PKIG: variants seen among roughly 807,000 people sequenced by gnomAD.
PKIG encodes protein kinase (cAMP-dependent, catalytic) inhibitor gamma.
Under a neutral mutation model 6.8 loss-of-function variants are expected in PKIG, and 1 was observed. The observed-to-expected ratio is 0.15, with a 90% CI of 0.05 to 0.69. The LOEUF (loss-of-function observed/expected upper bound fraction) is 0.69. Ranked by LOEUF, PKIG falls within the 30% of genes least tolerant of loss-of-function variation. PKIG has a pLI of 0.82. For missense variants in PKIG, 77 were observed against 104.0 expected, an observed-to-expected ratio of 0.74 and a Z score of 1.13; for synonymous variants, 39 against 43.0, an observed-to-expected ratio of 0.91 and a Z score of 0.36.
intron 2 of PKIG, among the ~76,000 whole-genome samples, chr20:44,612,237 C>G (rs1211062024): frequency 1.3e-5 from 2 of 152,122 alleles, no homozygotes; most frequent in Non-Finnish European, 2.9e-5. Context: ...TTTATGACTA[C>G]TTCATAATTC....
intron 1 of PKIG, among the ~76,000 whole-genome samples, chr20:44,545,293 TAAGAATC>T (rs1442405257): frequency 6.6e-6 from 1 of 152,124 alleles, no homozygotes; most frequent in East Asian, 1.9e-4. Flanking sequence ...TGACAATCAA[TAAGAATC>T]AACTGGGTTT....
chr20:44,537,102 G>A (rs1192123831), intron 1 of PKIG, among the ~76,000 whole-genome samples: 1 of 150,964 alleles, frequency 6.6e-6, no homozygotes, highest in Non-Finnish European at 1.5e-5. Flanking sequence ...GCTAATTTTT[G>A]TATTATTATT....
At chr20:44,616,792 C>G (rs1401033722) in intron 3 of PKIG, among the ~76,000 whole-genome samples, 2 of 152,192 alleles carry the variant, frequency 1.3e-5, no homozygotes, top group African/African-American at 4.8e-5. Context: ...ACGCCCACTC[C>G]AGCGACTCCC....
At chr20:44,550,443 A>G (rs1395265211) in intron 1 of PKIG, among the ~76,000 whole-genome samples, 4 of 152,018 alleles carry the variant, frequency 2.6e-5, no homozygotes, top group Non-Finnish European at 5.9e-5. Context: ...ATTTCTTAAG[A>G]TTAGGAAACA....
At chr20:44,577,606 C>T (rs1407561793), upstream of PKIG, among the ~76,000 whole-genome samples, 2 of 152,168 alleles carry the variant, frequency 1.3e-5, no homozygotes, top group South Asian at 2.1e-4. Context: ...TACTTTTATT[C>T]GTAAATCTCA....
intron 1 of PKIG, among the ~76,000 whole-genome samples, chr20:44,575,235 T>A (rs1262862186): frequency 2.0e-5 from 3 of 152,146 alleles, no homozygotes; most frequent in Non-Finnish European, 4.4e-5. Flanking sequence ...GTATTTTTAT[T>A]TTTGAGACGG....
chr20:44,610,462 T>TTCTC (rs146920514), intron 2 of PKIG, among the ~76,000 whole-genome samples: 29 of 123,338 alleles, frequency 2.4e-4, no homozygotes, highest in South Asian at 1.6e-3. Flanking sequence ...GTCTCTCTCT[T>TTCTC]TCTCTCTCTC....
intron 2 of PKIG, among the ~76,000 whole-genome samples, chr20:44,591,560 C>T (rs1286407639): frequency 2.5e-5 from 3 of 119,082 alleles, no homozygotes; most frequent in African/African-American, 6.5e-5. Context: ...GGACAGAGCC[C>T]GAAGTCTGAG....
chr20:44,540,047 A>T (rs2064547069), intron 1 of PKIG, among the ~76,000 whole-genome samples: 1 of 151,538 alleles, frequency 6.6e-6, no homozygotes, highest in Non-Finnish European at 1.5e-5. Flanking sequence ...TGCAACGTCC[A>T]CCTCCAGGGT....
chr20:44,615,350 A>G (rs1188449473), intron 3 of PKIG, among the ~76,000 whole-genome samples: 3 of 152,068 alleles, frequency 2.0e-5, no homozygotes, highest in African/African-American at 7.2e-5. Flanking sequence ...CCCCAATCAC[A>G]TGACCCTCAT....
chr20:44,535,721 A>G (rs139381929), intron 1 of PKIG, among the ~76,000 whole-genome samples: 3 of 152,360 alleles, frequency 2.0e-5, no homozygotes, highest in African/African-American at 7.2e-5. Context: ...AAAGCAGATT[A>G]CGGTACAGTA....
upstream of PKIG, among the ~76,000 whole-genome samples, chr20:44,580,884 A>G (rs540545724): frequency 1.4e-4 from 21 of 152,214 alleles, no homozygotes; most frequent in East Asian, 4.0e-3. Context: ...CCTTCCCATC[A>G]CCATCAAAGT....
At chr20:44,605,287 G>A (rs533474876) in intron 2 of PKIG, among the ~76,000 whole-genome samples, 1 of 151,846 alleles carries the variant, frequency 6.6e-6, no homozygotes, top group South Asian at 2.1e-4. Context: ...AGGCGCCTGA[G>A]TCCCAGCTAC....
chr20:44,587,492 C>G (rs1251871696), intron 1 of PKIG, among the ~76,000 whole-genome samples: 1 of 152,174 alleles, frequency 6.6e-6, no homozygotes, highest in East Asian at 1.9e-4. Context: ...TGAGAGGGCC[C>G]TGAATCTGAA....
intron 1 of PKIG, among the ~76,000 whole-genome samples, chr20:44,551,127 C>T (rs1600844790): frequency 1.3e-5 from 2 of 152,000 alleles, no homozygotes; most frequent in East Asian, 1.9e-4. Flanking sequence ...CAGTGATGCT[C>T]ACTGCAAGCT....
chr20:44,538,351 TC>T (rs1743360200), intron 1 of PKIG, among the ~76,000 whole-genome samples: 1 of 152,218 alleles, frequency 6.6e-6, no homozygotes, highest in Non-Finnish European at 1.5e-5. Flanking sequence ...AAATTGAAGA[TC>T]AGAGGATGTG....
In PKIG at chr20:44,614,771, G is replaced by A; in HGVS notation, c.151+64G>A. The A allele has an allele frequency of 5.1e-6, 8 of 1,561,026 alleles. No individual in the cohort carries two copies. Among genetic ancestry groups the A allele is most frequent in the Non-Finnish European group, 7.0e-6 (8 of 1,141,104 alleles). On this transcript the variant is annotated intron_variant, in intron 3 of 3. Transcript: ENST00000372886. The surrounding 1 kb of genome is among the most constrained non-coding windows in gnomAD (Gnocchi z 4.6). Reference sequence around the variant, plus strand: ...AGGCCCTCTGCCGGGCCCCGGGCTAGCCTCCAAGTCCTAGACTGCCCATAC... The same window carrying A: ...AGGCCCTCTGCCGGGCCCCGGGCTAACCTCCAAGTCCTAGACTGCCCATAC...
intron 1 of PKIG, among the ~76,000 whole-genome samples, chr20:44,559,786 A>G (rs180891956): frequency 5.9e-5 from 9 of 152,316 alleles, no homozygotes; most frequent in East Asian, 3.9e-4. Flanking sequence ...GTCATATTCA[A>G]TTTTTTACTA....
chr20:44,566,110 C>T (rs1424964349), intron 1 of PKIG, among the ~76,000 whole-genome samples: 1 of 152,200 alleles, frequency 6.6e-6, no homozygotes, highest in African/African-American at 2.4e-5. Context: ...CCACTAACTA[C>T]CCGCATCTCA....
Sources: gnomAD v4.1 joint callset for allele counts (sites outside exome capture counted in the v4.1 genomes callset) on GRCh38, gnomAD v4.1.1 for gene constraint, Gnocchi (gnomAD v3.1) non-coding constraint, MANE v1.5 for transcripts, NCBI Gene and HGNC (gene_info 2026-07-23, HGNC 2026-07-21) for gene names.